Variants in SORCS3 observed in about 807,000 individuals in gnomAD.
SORCS3 encodes sortilin related VPS10 domain containing receptor 3, also known as VPS10 domain-containing receptor SorCS3.
Under a neutral mutation model 146.3 loss-of-function variants are expected in SORCS3, and 57 were observed. The observed-to-expected ratio is 0.39, with a 90% CI of 0.31 to 0.49. The LOEUF is 0.49. SORCS3 is among the 20% of genes least tolerant of loss of function. The probability of loss-of-function intolerance (pLI) is 0.92; values close to 1 mark genes in which losing one functional copy is unlikely to be tolerated. For synonymous variants in SORCS3, 653 were observed against 618.5 expected (o/e 1.06, Z -0.83); for missense variants, 1,341 against 1,575.5 (o/e 0.85, Z 2.52).
rs933837671 is a variant in SORCS3, at chr10:105,264,470, C to T, written c.*1096C>T. 1 of 152,234 alleles carries T rather than the reference C, an allele frequency of 6.6e-6. No individual in the cohort carries two copies. The highest frequency in any genetic ancestry group is 2.4e-5 in the African/African-American group (1 of 41,418). 9.4% of individuals were successfully genotyped at this position (152,234 alleles called of 1,614,324 possible). The stretch of plus-strand genomic sequence containing the variant: ...GCTATTCTGAGCTCAGAAAAGTCCC[C>T]TGGGCACTAGGTAAAGCCCAGTGAA... On this transcript the variant is annotated 3_prime_UTR_variant, in exon 27 of 27. Coordinates refer to ENST00000369701, the MANE Select transcript of SORCS3 (RefSeq NM_014978.3).
At chr10:104,877,050 T>C (rs2018583844) in intron 2 of SORCS3, among the ~76,000 whole-genome samples, 1 of 152,032 alleles carries the variant, frequency 6.6e-6, no homozygotes, top group African/African-American at 2.4e-5. Flanking sequence ...AAGGTCTCCC[T>C]ATATTGCCCA....
chr10:105,077,676 G>A (rs1212014610), intron 5 of SORCS3, among the ~76,000 whole-genome samples: 2 of 151,998 alleles, frequency 1.3e-5, no homozygotes, highest in African/African-American at 2.4e-5. Context: ...TCTCTGCTTC[G>A]CTCTTCTATC....
chr10:104,933,596 T>C (rs2019230912), intron 3 of SORCS3, among the ~76,000 whole-genome samples: 1 of 152,110 alleles, frequency 6.6e-6, no homozygotes, highest in African/African-American at 2.4e-5. Context: ...AAGAGGTGCA[T>C]TGATGGAAGT....
At chr10:104,818,945 A>G (rs970051551) in intron 1 of SORCS3, among the ~76,000 whole-genome samples, 3 of 152,142 alleles carry the variant, frequency 2.0e-5, no homozygotes, top group Non-Finnish European at 4.4e-5. Context: ...GCCTTATGAT[A>G]AAAACAAAAT....
intron 1 of SORCS3, among the ~76,000 whole-genome samples, chr10:104,664,226 G>C (rs572130278): frequency 6.6e-5 from 10 of 152,258 alleles, no homozygotes; most frequent in African/African-American, 2.4e-4. Flanking sequence ...TCCTTCATGG[G>C]GGAATTGTCA....
intron 4 of SORCS3, among the ~76,000 whole-genome samples, chr10:105,037,759 A>G (rs561045865): frequency 1.3e-5 from 2 of 152,330 alleles, no homozygotes; most frequent in African/African-American, 4.8e-5. Flanking sequence ...GAGATGCTAG[A>G]GGCTGGGACT....
At chr10:104,789,293 C>A (rs1486654485) in intron 1 of SORCS3, among the ~76,000 whole-genome samples, 4 of 152,184 alleles carry the variant, frequency 2.6e-5, no homozygotes, top group Non-Finnish European at 1.5e-5. Context: ...CTGATAGGTG[C>A]CTTGTGAGTC....
chr10:105,245,470 A>G lies in SORCS3; in HGVS notation c.2869-72A>G, dbSNP rs80025795. 677 of 1,557,924 alleles carry G rather than the reference A, an allele frequency of 4.3e-4. 3 individuals carry two copies. In the African/African-American group the frequency reaches 7.9e-3, roughly 18 times the overall value. The stretch of plus-strand genomic sequence containing the variant: ...TTTTCCAAGTTAGGATGACAGTCTG[A>G]GAGTTTCAGGAAAGGAAATAAAGTT... On this transcript the variant is annotated intron_variant, in intron 20 of 26. Coordinates refer to ENST00000369701, the MANE Select transcript of SORCS3 (RefSeq NM_014978.3).
At chr10:104,726,068 C>T (rs576349402) in intron 1 of SORCS3, among the ~76,000 whole-genome samples, 1 of 152,238 alleles carries the variant, frequency 6.6e-6, no homozygotes, top group Non-Finnish European at 1.5e-5. Context: ...CTGCATCGCT[C>T]ACGCTGGGTG....
intron 16 of SORCS3, among the ~76,000 whole-genome samples, chr10:105,206,460 A>G (rs1332718): frequency 0.23 from 35,502 of 152,148 alleles, 4,129 homozygotes; most frequent in East Asian, 0.32. Context: ...CACAAAAGAA[A>G]GAGAACAAAA....
chr10:105,004,878 T>G (rs968373992), intron 4 of SORCS3, among the ~76,000 whole-genome samples: 10 of 152,114 alleles, frequency 6.6e-5, no homozygotes, highest in African/African-American at 1.9e-4. Flanking sequence ...TCCCCTTCCC[T>G]TCCACCATTC....
At chr10:105,029,434 A>G (rs920022479) in intron 4 of SORCS3, among the ~76,000 whole-genome samples, 5 of 152,214 alleles carry the variant, frequency 3.3e-5, no homozygotes, top group Non-Finnish European at 7.3e-5. Flanking sequence ...TCCCTTTTGT[A>G]TCTAGAGGGA....
At chr10:104,750,742 C>T (rs771802245) in intron 1 of SORCS3, among the ~76,000 whole-genome samples, 21 of 152,102 alleles carry the variant, frequency 1.4e-4, no homozygotes, top group Non-Finnish European at 1.3e-4. Context: ...AATTAAACTG[C>T]ACAAAATAGG....
At chr10:104,940,310 G>A (rs1265370473) in intron 3 of SORCS3, among the ~76,000 whole-genome samples, 1 of 136,682 alleles carries the variant, frequency 7.3e-6, no homozygotes, top group Non-Finnish European at 1.6e-5. Flanking sequence ...TCTTACATAT[G>A]TATACATGTG....
chr10:104,859,101 G>T (rs1484691755), intron 2 of SORCS3, among the ~76,000 whole-genome samples: 2 of 152,054 alleles, frequency 1.3e-5, no homozygotes, highest in African/African-American at 4.8e-5. Context: ...ATGCTTTAGG[G>T]TGTTAGTATG....
rs546891349 is a variant in SORCS3, at chr10:104,779,274, T to C, written c.628-63518T>C. Among the ~76,000 whole-genome samples, 4 of 152,292 alleles carry C rather than the reference T, an allele frequency of 2.6e-5. No individual in the cohort carries two copies. In the South Asian group the frequency reaches 8.3e-4, roughly 32 times the overall value. On this transcript the variant is annotated intron_variant, in intron 1 of 26. Coordinates refer to ENST00000369701, the MANE Select transcript of SORCS3 (RefSeq NM_014978.3). ...AAATAAGGTTGCGTTGTCTTTAAGC[T>C]CCATGCTGTGGTCTTTTGTTGTAGC...
chr10:104,654,008 A>G (rs566940873), intron 1 of SORCS3, among the ~76,000 whole-genome samples: 1 of 151,846 alleles, frequency 6.6e-6, no homozygotes, highest in Non-Finnish European at 1.5e-5. Flanking sequence ...GCATGGGTTC[A>G]GTTGTTTTCA....
At chr10:104,797,577 T>C (rs1404381191) in intron 1 of SORCS3, among the ~76,000 whole-genome samples, 2 of 152,194 alleles carry the variant, frequency 1.3e-5, no homozygotes, top group Admixed American at 1.3e-4. Flanking sequence ...GTTTGACTAC[T>C]ATGTGCCTCA....
At chr10:105,110,928 A>G (rs1011978383) in intron 7 of SORCS3, among the ~76,000 whole-genome samples, 3 of 152,126 alleles carry the variant, frequency 2.0e-5, no homozygotes, top group Admixed American at 6.6e-5. Context: ...CACAGGGCTA[A>G]ATCAATATTT....
Sources: gnomAD v4.1 joint callset for allele counts (sites outside exome capture counted in the v4.1 genomes callset) on GRCh38, gnomAD v4.1.1 for gene constraint, MANE v1.5 for transcripts, NCBI Gene and HGNC (gene_info 2026-07-23, HGNC 2026-07-21) for gene names.